Variants in LRP2 observed in about 807,000 individuals in gnomAD.
LRP2 encodes the protein low-density lipoprotein receptor-related protein 2.
Under a neutral mutation model 531.0 loss-of-function variants are expected in LRP2, and 172 were observed. The ratio of observed to expected loss-of-function variants is 0.32; its 90% confidence interval spans 0.29 to 0.37. The LOEUF (loss-of-function observed/expected upper bound fraction) is 0.37, where lower values mean the gene tolerates loss of function less well. LRP2 is among the 10% of genes least tolerant of loss of function. LRP2 has a pLI of 1.00. For missense variants in LRP2, 5,167 were observed against 5,868.3 expected, an observed-to-expected ratio of 0.88 and a Z score of 3.90; for synonymous variants, 1,992 against 2,027.6, an observed-to-expected ratio of 0.98 and a Z score of 0.47.
Position 169,185,792 on chromosome 2 carries a change from G to T in LRP2, c.9556C>A (p.Pro3186Thr), listed in dbSNP as rs781272785. Residue 3186 changes from proline (P) to threonine (T), a missense_variant, in exon 50 of 79, where the codon CCA (proline) becomes ACA (threonine). Pro to Thr is a conservative substitution (Grantham distance 38). Transcript: ENST00000649046. The part of the protein sequence containing the change: ...CKCAPGYLRE[P>T]DGKTCRQNSN... ...TTTTGCCGGCAGGTCTTTCCATCTGGTTCTCGGAGGTAGCCTGGGGCACAC... is the reference window on the plus strand; with the variant it reads ...TTTTGCCGGCAGGTCTTTCCATCTGTTTCTCGGAGGTAGCCTGGGGCACAC... 1.2e-6 allele frequency: 2 copies of T among 1,613,908 alleles called. No homozygotes were observed. Among genetic ancestry groups the T allele is most frequent in the Non-Finnish European group, 1.7e-6 (2 of 1,179,968 alleles).
At chr2:169,146,048 A>C (rs1685896475) in intron 69 of LRP2, 125 bp from the exon 70 acceptor site, 2 of 866,778 alleles carry the variant, frequency 2.3e-6, no homozygotes, top group Admixed American at 4.2e-5. Flanking sequence ...AATGCCTTGA[A>C]GCTCTGGGAA....
intron 52 of LRP2, among the ~76,000 whole-genome samples, chr2:169,181,199 A>AT (rs772770616): frequency 2.8e-4 from 42 of 152,328 alleles, no homozygotes; most frequent in Admixed American, 1.0e-3. Context: ...CATTTTCTAG[A>AT]TAAAAAAACA....
intron 61 of LRP2, among the ~76,000 whole-genome samples, chr2:169,166,279 T>G (rs1237808000): frequency 6.6e-6 from 1 of 152,234 alleles, no homozygotes; most frequent in African/African-American, 2.4e-5. Context: ...CTTGTCCTCA[T>G]GGAACTTTCA....
chr2:169,239,908 CA>C, intron 25 of LRP2, 133 bp from the exon 26 acceptor site: 1 of 779,548 alleles, frequency 1.3e-6, no homozygotes, highest in Non-Finnish European at 2.2e-6. Flanking sequence ...CTAAGTGCAG[CA>C]TGCACTTGGG....
At chr2:169,233,709 C>T (rs763277575) in intron 29 of LRP2, 121 bp from the exon 30 acceptor site, 12 of 914,530 alleles carry the variant, frequency 1.3e-5, no homozygotes, top group East Asian at 2.6e-5. Flanking sequence ...TTAATAAAAA[C>T]ACAAGGAAGT....
Position 169,231,537 on chromosome 2 carries a change from T to C in LRP2, c.5227+177A>G, listed in dbSNP as rs184214264. ...ACATTAGTTCCATATACAGAAACTGTATTACAACCAAGGCACACAGTGACA... is the reference window on the plus strand; with the variant it reads ...ACATTAGTTCCATATACAGAAACTGCATTACAACCAAGGCACACAGTGACA... On this transcript the variant is annotated intron_variant, in intron 31 of 78. Coordinates refer to ENST00000649046, the MANE Select transcript of LRP2 (RefSeq NM_004525.3). 9.4e-3 allele frequency among the ~76,000 whole-genome samples: 1,438 copies of C among 152,248 alleles called. 22 individuals are homozygous for C. The highest frequency in any genetic ancestry group is 0.033 in the African/African-American group (1,363 of 41,516).
intron 30 of LRP2, 101 bp from the exon 31 acceptor site, chr2:169,231,943 G>C: frequency 7.0e-7 from 1 of 1,431,094 alleles, no homozygotes; most frequent in Non-Finnish European, 9.7e-7. Flanking sequence ...CCCCAGTACA[G>C]GGGGGCTTAA....
intron 1 of LRP2, among the ~76,000 whole-genome samples, chr2:169,348,963 G>C (rs1186798759): frequency 6.6e-6 from 1 of 152,146 alleles, no homozygotes; most frequent in African/African-American, 2.4e-5. Context: ...GGTAGTACCA[G>C]GGAATGGTGA....
chr2:169,247,553 C>G (rs1208863364), intron 19 of LRP2, 38 bp from the exon 20 acceptor site: 1 of 1,610,088 alleles, frequency 6.2e-7, no homozygotes, highest in Non-Finnish European at 8.5e-7. Context: ...TTTTCAGTCA[C>G]AGCTAACTTA....
At position 169,182,460 on chromosome 2, in the gene LRP2, G is replaced by A. The variant is rs1687476401; in HGVS notation, c.9846-141C>T. On this transcript the variant is annotated intron_variant, in intron 50 of 78. Transcript: ENST00000649046. The stretch of plus-strand genomic sequence containing the variant: ...CCTTTCTTCAGGCAAATGAGGGCAG[G>A]GGAAAACAGGAAGTTTGTCTTCCTG... The A allele has an allele frequency of 1.9e-5, 30 of 1,550,024 alleles. No homozygotes were observed. In the South Asian group the frequency reaches 3.4e-4, roughly 18 times the overall value.
intron 4 of LRP2, among the ~76,000 whole-genome samples, chr2:169,296,383 C>T (rs1218835162): frequency 2.6e-5 from 4 of 151,846 alleles, no homozygotes; most frequent in East Asian, 1.9e-4. Flanking sequence ...CGTCTTTCCT[C>T]GCTGAGATGA....
chr2:169,299,173 A>G (rs830963), intron 4 of LRP2, among the ~76,000 whole-genome samples: 917 of 8,906 alleles, frequency 0.1, 132 homozygotes, highest in Admixed American at 0.24. Context: ...GAAAGAAAGA[A>G]AAAGAAAGAA....
intron 1 of LRP2, among the ~76,000 whole-genome samples, chr2:169,347,518 C>A (rs951663244): frequency 6.7e-6 from 1 of 150,004 alleles, no homozygotes; most frequent in African/African-American, 2.5e-5. Context: ...CTGTCCCTAA[C>A]GGAAGGTTAA....
At chr2:169,328,658 G>A (rs1685188319) in intron 1 of LRP2, among the ~76,000 whole-genome samples, 3 of 152,016 alleles carry the variant, frequency 2.0e-5, no homozygotes, top group East Asian at 3.9e-4. Context: ...ATATCCACTG[G>A]ATCCTCTCAG....
Position 169,241,152 on chromosome 2 carries a change from T to G in LRP2, c.3881A>C (p.Asn1294Thr). 6.2e-7 allele frequency: 1 copy of G among 1,614,180 alleles called. No individual in the cohort carries two copies. The highest frequency in any genetic ancestry group is 8.5e-7 in the Non-Finnish European group (1 of 1,180,028). The change falls in exon 25 of 79, where the codon AAT becomes ACT. Residue 1294 changes from asparagine (N) to threonine (T), a missense_variant. Physicochemically the swap from Asn to Thr is moderately conservative, Grantham distance 65. This residue lies in a region of LRP2 where 2,811 missense variants were observed against 3,058.0 expected (regional missense o/e 0.92). Transcript: ENST00000649046. Reference sequence around the variant, plus strand: ...CTCATCACTCATATCCCCGCAGTCATTGTCCCGATCACAGAGCCATGCCCT... The same window carrying G: ...CTCATCACTCATATCCCCGCAGTCAGTGTCCCGATCACAGAGCCATGCCCT... ...IHRAWLCDRD[N>T]DCGDMSDEKD...
Position 169,174,401 on chromosome 2 carries a change from C to T in LRP2, c.10769-237G>A, listed in dbSNP as rs112447735. 2.0e-5 allele frequency among the ~76,000 whole-genome samples: 3 copies of T among 152,278 alleles called. No homozygotes were observed. In the East Asian group the frequency reaches 5.8e-4, roughly 29 times the overall value. On this transcript the variant is annotated intron_variant, in intron 55 of 78. Coordinates refer to ENST00000649046, the MANE Select transcript of LRP2 (RefSeq NM_004525.3). ...GACTTAAGAGATAAGAACTGAACACCCTGACCTGTTAAGCATACCTTCCTC... is the reference window on the plus strand; with the variant it reads ...GACTTAAGAGATAAGAACTGAACACTCTGACCTGTTAAGCATACCTTCCTC...
At chr2:169,147,096 T>C in intron 68 of LRP2, 137 bp from the exon 69 acceptor site, 1 of 721,630 alleles carries the variant, frequency 1.4e-6, no homozygotes, top group South Asian at 1.6e-5. Flanking sequence ...CAGTTTTATA[T>C]TTTACAGAAG....
intron 3 of LRP2, among the ~76,000 whole-genome samples, chr2:169,316,916 CAAG>C (rs911559385): frequency 3.9e-5 from 6 of 152,026 alleles, no homozygotes; most frequent in Non-Finnish European, 8.8e-5. Context: ...GGAGTGGTGT[CAAG>C]AAGGAGGAAT....
chr2:169,251,717 G>A lies in LRP2; in HGVS notation c.2771-4202C>T, dbSNP rs1472932793. Among the ~76,000 whole-genome samples, 4 of 87,458 alleles carry A rather than the reference G, an allele frequency of 4.6e-5. 1 individual carries two copies. Among genetic ancestry groups the A allele is most frequent in the African/African-American group, 1.3e-4 (2 of 15,664 alleles). The allele number at this position is 87,458 out of a possible 152,430, so 57.4% of individuals were successfully genotyped here. On this transcript the variant is annotated intron_variant, in intron 19 of 78. Coordinates refer to ENST00000649046, the MANE Select transcript of LRP2 (RefSeq NM_004525.3). Reference sequence around the variant, plus strand: ...GAATCCAGGAGCTGGTTTTTTGAAAGGATCAACAAAATTGATAGACCGCTA... The same window carrying A: ...GAATCCAGGAGCTGGTTTTTTGAAAAGATCAACAAAATTGATAGACCGCTA...
Sources: gnomAD v4.1 joint callset for allele counts (sites outside exome capture counted in the v4.1 genomes callset) on GRCh38, gnomAD v4.1.1 for gene constraint, gnomAD v4.1.1 regional missense constraint, MANE v1.5 for transcripts, NCBI Gene and HGNC (gene_info 2026-07-23, HGNC 2026-07-21) for gene names.